The following CASP5 variants were observed in gnomAD, a reference collection of about 807,000 sequenced individuals.
The protein encoded by CASP5 is caspase-5.
CASP5 carries 42 observed loss-of-function variants against 45.2 expected under a neutral mutation model. The ratio of observed to expected loss-of-function variants is 0.93; its 90% CI spans 0.73 to 1.20. The LOEUF is 1.20. Ranked by LOEUF, CASP5 falls within the 50% of genes most tolerant of loss-of-function variation. CASP5 has a pLI of 0.00. For synonymous variants in CASP5, 209 were observed against 186.2 expected (o/e 1.12, Z -1.00); for missense variants, 512 against 532.2 (o/e 0.96, Z 0.37).
At chr11:105,009,750 T>G (rs370411989) in intron 1 of CASP5, among the ~76,000 whole-genome samples, 1 of 78,332 alleles carries the variant, frequency 1.3e-5, no homozygotes, top group African/African-American at 4.5e-5. Context: ...TATATATATA[T>G]ATATATATAC....
intron 1 of CASP5, among the ~76,000 whole-genome samples, chr11:105,016,739 A>G (rs1274345645): frequency 2.9e-3 from 442 of 151,502 alleles, no homozygotes; most frequent in African/African-American, 9.7e-3. Flanking sequence ...AGGGGCGCCC[A>G]CCATTGCCCA....
chr11:105,009,459 C>A (rs938170823), intron 1 of CASP5, among the ~76,000 whole-genome samples: 1 of 151,372 alleles, frequency 6.6e-6, no homozygotes, highest in Admixed American at 6.6e-5. Flanking sequence ...ACAAGCTATA[C>A]CCAATTGTGC....
intron 1 of CASP5, among the ~76,000 whole-genome samples, chr11:105,019,677 T>G (rs1221575299): frequency 7.1e-6 from 1 of 140,042 alleles, no homozygotes; most frequent in Non-Finnish European, 1.6e-5. Context: ...GCTTACCAAC[T>G]AAAAAGAGTC....
intron 6 of CASP5, 123 bp from the exon 7 acceptor site, chr11:104,999,151 T>A: frequency 3.7e-6 from 3 of 810,968 alleles, no homozygotes; most frequent in Non-Finnish European, 5.6e-6. Flanking sequence ...ACCTATCATA[T>A]AGGTTTTAAG....
intron 2 of CASP5, 105 bp from the exon 3 acceptor site, chr11:105,007,439 C>G: frequency 9.1e-7 from 1 of 1,099,426 alleles, no homozygotes; most frequent in Non-Finnish European, 1.3e-6. Context: ...AAAATACATT[C>G]TATTTTACCA....
chr11:105,017,833 C>G (rs1003560543), intron 1 of CASP5, among the ~76,000 whole-genome samples: 5 of 151,750 alleles, frequency 3.3e-5, no homozygotes, highest in African/African-American at 1.2e-4. Context: ...TCGAGAAGAG[C>G]AACTCCAAGA....
intron 1 of CASP5, among the ~76,000 whole-genome samples, chr11:105,014,880 T>C (rs1862512964): frequency 6.6e-6 from 1 of 152,194 alleles, no homozygotes; most frequent in Non-Finnish European, 1.5e-5. Context: ...ACACTGTGTT[T>C]CAGGTAGAAG....
At chr11:105,002,314 T>G (rs1043309077) in intron 4 of CASP5, 113 bp from the exon 5 acceptor site, 5 of 780,862 alleles carry the variant, frequency 6.4e-6, no homozygotes, top group African/African-American at 5.2e-5. Flanking sequence ...TTCCCTAACC[T>G]CTATCAGAAG....
intron 1 of CASP5, among the ~76,000 whole-genome samples, chr11:105,020,947 G>C (rs1052500036): frequency 6.6e-6 from 1 of 152,020 alleles, no homozygotes; most frequent in Non-Finnish European, 1.5e-5. Context: ...CATGGTACTG[G>C]TACCAACACA....
intron 4 of CASP5, among the ~76,000 whole-genome samples, chr11:105,002,698 T>C (rs1861799950): frequency 6.6e-6 from 1 of 152,204 alleles, no homozygotes; most frequent in Admixed American, 6.5e-5. Flanking sequence ...TTATAAACAT[T>C]TTATTTTGTG....
intron 1 of CASP5, among the ~76,000 whole-genome samples, chr11:105,015,851 G>C (rs75631152): frequency 0.058 from 8,879 of 152,260 alleles, 790 homozygotes; most frequent in African/African-American, 0.2. Context: ...AATTAAGCTA[G>C]TGGGAGAATC....
At position 104,997,437 on chromosome 11, in the gene CASP5, G is replaced by C; in HGVS notation, c.1152C>G (p.Ile384Met). 1 of 1,613,320 alleles carries C rather than the reference G, an allele frequency of 6.2e-7. No individual in the cohort carries two copies. The highest frequency in any genetic ancestry group is 8.5e-7 in the Non-Finnish European group (1 of 1,179,370). ...TRGSIFITEL[I>M]TCFQKYSCCC... ...AGCAAGAATATTTCTGGAAGCATGT[G>C]ATGAGTTCCGTAATGAAGATGGAGC... The change falls in exon 8 of 10, where the codon ATC (isoleucine) becomes ATG (methionine). Residue 384 changes from isoleucine (I) to methionine (M), a missense_variant. Coordinates refer to ENST00000260315, the MANE Select transcript of CASP5 (RefSeq NM_004347.5).
intron 1 of CASP5, among the ~76,000 whole-genome samples, chr11:105,021,320 A>C (rs1439270133): frequency 6.9e-6 from 1 of 145,426 alleles, no homozygotes; most frequent in Non-Finnish European, 1.5e-5. Context: ...GGATCTAATT[A>C]AACTAAAGAG....
chr11:105,000,443 G>A lies in CASP5; in HGVS notation c.770C>T (p.Ser257Phe), dbSNP rs755827751. The A allele has an allele frequency of 7.4e-6, 12 of 1,614,072 alleles. No individual in the cohort carries two copies. Among genetic ancestry groups the A allele is most frequent in the Non-Finnish European group, 1.0e-5 (12 of 1,180,030 alleles). The change falls in exon 6 of 10, where the codon TCT (serine) becomes TTT (phenylalanine). Residue 257 changes from serine to phenylalanine, a missense_variant. Transcript: ENST00000260315. ...CATGAGTACCAAGAACGTGCTGTCA[G>A]AGGACTTGTGCTCTGGTCTGGCAGC... ...AFAARPEHKS[S>F]DSTFLVLMSH... is the part of the protein sequence containing the mutation.
At chr11:105,004,791 T>A (rs887332836) in intron 3 of CASP5, among the ~76,000 whole-genome samples, 11 of 152,152 alleles carry the variant, frequency 7.2e-5, no homozygotes, top group African/African-American at 2.7e-4. Context: ...TCTTTTTTCA[T>A]AGATTAAACA....
At chr11:105,009,942 C>T (rs1321785625) in intron 1 of CASP5, among the ~76,000 whole-genome samples, 1 of 145,816 alleles carries the variant, frequency 6.9e-6, no homozygotes, top group East Asian at 2.0e-4. Context: ...CACACACACA[C>T]ACATATATAT....
Position 105,000,550 on chromosome 11 carries a change from C to G in CASP5, c.718-55G>C, listed in dbSNP as rs1861676673. 4.0e-6 allele frequency: 6 copies of G among 1,501,372 alleles called. No homozygotes were observed. In the South Asian group the frequency reaches 6.8e-5, roughly 17 times the overall value. The allele number at this position is 1,501,372 out of a possible 1,614,324, so 93.0% of individuals were successfully genotyped here. A position where few individuals can be genotyped will look rare whatever the true frequency, so the allele number is the denominator to read the frequency against. On this transcript the variant is annotated intron_variant, in intron 5 of 9. Transcript: ENST00000260315. ...AGAGAAGCATCACAATTAATAGGAC[C>G]TCCTAGATTTACCATGAGCGAAACA...
In CASP5 at chr11:105,002,248, T is replaced by C. The variant is rs559606569; in HGVS notation, c.544-47A>G. ...CAACTTTGATTACCCGAGTCTCTTT[T>C]CAACCCCCATATGCCTCACAATTTT... is the stretch of plus-strand genomic sequence containing the variant. On this transcript the variant is annotated intron_variant, in intron 4 of 9. Transcript: ENST00000260315. The C allele has an allele frequency of 1.1e-5, 17 of 1,593,776 alleles. No homozygotes were observed. The East Asian group carries it at 1.6e-4, about 15-fold the overall frequency.
chr11:105,016,186 A>G (rs973668069), intron 1 of CASP5, among the ~76,000 whole-genome samples: 4 of 152,216 alleles, frequency 2.6e-5, no homozygotes, highest in Non-Finnish European at 5.9e-5. Context: ...CTAGCTTCAT[A>G]AGAATTGTCT....
Sources: allele counts gnomAD v4.1 joint callset (sites outside exome capture counted in the v4.1 genomes callset), GRCh38; gene constraint gnomAD v4.1.1; transcripts MANE v1.5; gene names NCBI Gene and HGNC (gene_info 2026-07-23, HGNC 2026-07-21).